NR3C2: variants seen among roughly 807,000 people sequenced by gnomAD.
NR3C2 encodes nuclear receptor subfamily 3 group C member 2.
In NR3C2, 15 loss-of-function variants were observed where a neutral mutation model predicts 86.4. The ratio of observed to expected loss-of-function variants is 0.17; its 90% CI spans 0.12 to 0.27. The LOEUF is 0.27. Among genes scored for constraint, NR3C2 ranks in the 10% least tolerant of loss-of-function variants. The pLI, the probability that NR3C2 is intolerant of heterozygous loss-of-function variation, is 1.00. For synonymous variants in NR3C2, 458 were observed against 450.5 expected, an observed-to-expected ratio of 1.02 and a Z score of -0.21; for missense variants, 960 against 1,195.6, an observed-to-expected ratio of 0.80 and a Z score of 2.91.
intron 2 of NR3C2, among the ~76,000 whole-genome samples, chr4:148,330,522 C>CT (rs11416123): frequency 0.34 from 51,420 of 151,976 alleles, 9,949 homozygotes; most frequent in African/African-American, 0.54. Flanking sequence ...AAAATGTAGT[C>CT]TTTTTATATC....
intron 3 of NR3C2, among the ~76,000 whole-genome samples, chr4:148,243,015 C>T (rs1295866597): frequency 1.4e-5 from 2 of 147,432 alleles, no homozygotes; most frequent in East Asian, 4.0e-4. Context: ...TTTCTTCATA[C>T]TTTTCAGGTT....
In NR3C2 at chr4:148,257,288, T is replaced by C. The variant is rs79699787; in HGVS notation, c.1897+2690A>G. Reference sequence around the variant, plus strand: ...ATGTATATACATACAAAGTCACATATATACACAGACTAAGACTACTAAACT... The same window carrying C: ...ATGTATATACATACAAAGTCACATACATACACAGACTAAGACTACTAAACT... On this transcript the variant is annotated intron_variant, in intron 3 of 8. Transcript: ENST00000358102. 8.5e-5 allele frequency among the ~76,000 whole-genome samples: 13 copies of C among 152,334 alleles called. No homozygotes were observed. The East Asian group carries it at 2.3e-3, about 27-fold the overall frequency.
At chr4:148,276,308 A>T (rs540068793) in intron 2 of NR3C2, among the ~76,000 whole-genome samples, 89 of 152,160 alleles carry the variant, frequency 5.8e-4, no homozygotes, top group African/African-American at 2.1e-3. Flanking sequence ...ATTCATTTGG[A>T]TATATTTGCC....
At chr4:148,434,029 A>G (rs1486163679) in intron 2 of NR3C2, among the ~76,000 whole-genome samples, 1 of 152,114 alleles carries the variant, frequency 6.6e-6, no homozygotes. Context: ...TTTGGTTTGG[A>G]AAAAAATAGA....
chr4:148,250,932 T>C (rs1257339223), intron 3 of NR3C2, among the ~76,000 whole-genome samples: 2 of 152,042 alleles, frequency 1.3e-5, no homozygotes, highest in Non-Finnish European at 2.9e-5. Flanking sequence ...CCAGTCTCCA[T>C]CACCTTTTTC....
At chr4:148,192,340 G>T (rs1736236705) in intron 4 of NR3C2, among the ~76,000 whole-genome samples, 1 of 152,186 alleles carries the variant, frequency 6.6e-6, no homozygotes, top group South Asian at 2.1e-4. Flanking sequence ...AACTGTCTAT[G>T]GGTCTCTCAG....
At chr4:148,100,531 A>G (rs1341303855) in intron 8 of NR3C2, among the ~76,000 whole-genome samples, 1 of 152,238 alleles carries the variant, frequency 6.6e-6, no homozygotes, top group African/African-American at 2.4e-5. Flanking sequence ...CCACTTCACA[A>G]GCATGAAGAT....
intron 2 of NR3C2, among the ~76,000 whole-genome samples, chr4:148,352,093 G>T (rs1486402104): frequency 6.6e-6 from 1 of 152,146 alleles, no homozygotes; most frequent in African/African-American, 2.4e-5. Flanking sequence ...AGAGAAATCA[G>T]ATCTGTTCCC....
At chr4:148,325,848 C>T (rs943903674) in intron 2 of NR3C2, among the ~76,000 whole-genome samples, 1 of 151,984 alleles carries the variant, frequency 6.6e-6, no homozygotes, top group Non-Finnish European at 1.5e-5. Flanking sequence ...TATCCAATAT[C>T]TTGTTTTATT....
At chr4:148,403,441 T>TCA (rs1365070563) in intron 2 of NR3C2, among the ~76,000 whole-genome samples, 1 of 152,052 alleles carries the variant, frequency 6.6e-6, no homozygotes, top group African/African-American at 2.4e-5. Context: ...AGGAAGGTGA[T>TCA]CAAGCCCATA....
At chr4:148,239,943 T>A (rs1276672029) in intron 3 of NR3C2, among the ~76,000 whole-genome samples, 1 of 151,944 alleles carries the variant, frequency 6.6e-6, no homozygotes, top group Non-Finnish European at 1.5e-5. Flanking sequence ...TGATGGGGTT[T>A]AGTTAGTGCA....
intron 2 of NR3C2, among the ~76,000 whole-genome samples, chr4:148,377,093 A>G (rs61763773): frequency 3.3e-5 from 5 of 152,212 alleles, no homozygotes; most frequent in African/African-American, 9.6e-5. Context: ...TAGTTTTCTC[A>G]CTGACATTTT....
At chr4:148,444,358 GCC>G, upstream of NR3C2, 1 of 985,294 alleles carries the variant, frequency 1.0e-6, no homozygotes, top group Non-Finnish European at 1.2e-6. Context: ...CAGCACCCTT[GCC>G]CCAGGGCCGC....
chr4:148,272,000 C>T (rs912572340), intron 2 of NR3C2, among the ~76,000 whole-genome samples: 4 of 152,094 alleles, frequency 2.6e-5, no homozygotes, highest in African/African-American at 9.7e-5. Context: ...GAGCAATAAG[C>T]AGGTATTGAA....
chr4:148,357,347 G>C (rs778745811), intron 2 of NR3C2, among the ~76,000 whole-genome samples: 11 of 152,224 alleles, frequency 7.2e-5, no homozygotes, highest in South Asian at 4.1e-4. Flanking sequence ...CTACTGAAAA[G>C]AGTACCTATG....
intron 2 of NR3C2, among the ~76,000 whole-genome samples, chr4:148,401,631 T>A (rs1748170646): frequency 6.6e-6 from 1 of 151,762 alleles, no homozygotes; most frequent in South Asian, 2.1e-4. Flanking sequence ...GCCCGGCTAA[T>A]TTTTGTATTT....
intron 2 of NR3C2, among the ~76,000 whole-genome samples, chr4:148,314,813 T>C (rs1579142681): frequency 6.6e-6 from 1 of 152,270 alleles, no homozygotes; most frequent in Non-Finnish European, 1.5e-5. Flanking sequence ...ATTTCTGATA[T>C]CAAAATAATC....
chr4:148,097,758 T>TC (rs1731356272), intron 8 of NR3C2, among the ~76,000 whole-genome samples: 1 of 150,316 alleles, frequency 6.7e-6, no homozygotes, highest in Admixed American at 6.6e-5. Flanking sequence ...TTTGTTTTTT[T>TC]TTTTTTTTTT....
chr4:148,427,712 ATGGGAACCCTCCT>A (rs1161021554), intron 2 of NR3C2, among the ~76,000 whole-genome samples: 1 of 152,096 alleles, frequency 6.6e-6, no homozygotes, highest in Non-Finnish European at 1.5e-5. Context: ...GTCTTCAGGG[ATGGGAACCCTCCT>A]TGAAGAAATG....
Sources: allele counts gnomAD v4.1 joint callset (sites outside exome capture counted in the v4.1 genomes callset), GRCh38; gene constraint gnomAD v4.1.1; transcripts MANE v1.5; gene names NCBI Gene and HGNC (gene_info 2026-07-23, HGNC 2026-07-21).